Variants in RP1L1 observed in about 807,000 individuals in gnomAD.
The protein encoded by RP1L1 is RP1 like 1.
In RP1L1, 27 loss-of-function variants were observed where a neutral mutation model predicts 15.7. The ratio of observed to expected loss-of-function variants is 1.72; its 90% confidence interval spans 1.27 to 2.38. The LOEUF (loss-of-function observed/expected upper bound fraction) is 2.38, where lower values mean the gene tolerates loss of function less well. Ranked by LOEUF, RP1L1 falls within the 30% of genes most tolerant of loss-of-function variation. The pLI is 0.00. For synonymous variants in RP1L1, 1,813 were observed against 1,276.7 expected (o/e 1.42, Z -8.96); for missense variants, 4,798 against 3,075.9 (o/e 1.56, Z -13.24).
Position 10,611,512 on chromosome 8 carries a change from G to A in RP1L1, c.2586C>T (p.Cys862=), listed in dbSNP as rs1328808307. Residue 862 remains cysteine, a synonymous_variant, in exon 4 of 4, where the codon TGC becomes TGT. Transcript: ENST00000382483. ...YCPTPPRGRP[C]PQRRSSSCGS... is the part of the protein sequence containing the mutation. Reference sequence around the variant, plus strand: ...CACAGCTGGAAGAGCGCCTCTGGGGGCAGGGCCGCCCCCTGGGCGGGGTGG... The same window carrying A: ...CACAGCTGGAAGAGCGCCTCTGGGGACAGGGCCGCCCCCTGGGCGGGGTGG... The A allele has an allele frequency of 3.8e-6, 6 of 1,578,616 alleles. No individual in the cohort carries two copies. Among genetic ancestry groups the A allele is most frequent in the Admixed American group, 1.8e-5 (1 of 54,154 alleles).
At chr8:10,628,962 T>C (rs183543671) in intron 1 of RP1L1, among the ~76,000 whole-genome samples, 1 of 152,368 alleles carries the variant, frequency 6.6e-6, no homozygotes, top group Non-Finnish European at 1.5e-5. Flanking sequence ...AAGCGGGATG[T>C]GCAGCCTCGT....
intron 1 of RP1L1, among the ~76,000 whole-genome samples, chr8:10,643,482 C>T (rs1243938085): frequency 2.6e-5 from 4 of 152,108 alleles, no homozygotes; most frequent in African/African-American, 9.7e-5. Flanking sequence ...ATGGCATGGC[C>T]AATCTGCCAT....
chr8:10,613,310 T>C lies in RP1L1; in HGVS notation c.788A>G (p.His263Arg), dbSNP rs1245061500. Residue 263 changes from histidine to arginine, a missense_variant, in exon 4 of 4, where the codon CAT becomes CGT. Transcript: ENST00000382483. ...WGPKTKPSVIHSRSPPGSTPR... is the reference protein window; with the variant it reads ...WGPKTKPSVIRSRSPPGSTPR... ...CGTGCTGCCTGGCGGAGACCGCGAA[T>C]GGATCACACTCGGCTTGGTCTTTGG... 1.2e-6 allele frequency: 2 copies of C among 1,601,828 alleles called. No individual in the cohort carries two copies. The highest frequency in any genetic ancestry group is 1.7e-5 in the Admixed American group (1 of 60,010).
chr8:10,610,538 T>G lies in RP1L1; in HGVS notation c.3560A>C (p.His1187Pro). 3 of 1,613,676 alleles carry G rather than the reference T, an allele frequency of 1.9e-6. No individual in the cohort carries two copies. The highest frequency in any genetic ancestry group is 2.5e-6 in the Non-Finnish European group (3 of 1,179,996). The change falls in exon 4 of 4, where the codon CAT becomes CCT. Residue 1187 changes from histidine (H) to proline (P), a missense_variant. Physicochemically the swap from His to Pro is moderately conservative, Grantham distance 77. Coordinates refer to ENST00000382483, the MANE Select transcript of RP1L1 (RefSeq NM_178857.6). ...WSQALPDLGS[H>P]AMTENFTPTS... ...GGGCGTGAAGTTCTCCGTCATGGCA[T>G]GGGACCCAAGGTCTGGCAGAGCCTG...
At chr8:10,615,646 A>G (rs1427589502) in intron 3 of RP1L1, among the ~76,000 whole-genome samples, 1 of 151,916 alleles carries the variant, frequency 6.6e-6, no homozygotes, top group Non-Finnish European at 1.5e-5. Context: ...CTCCCCCCTC[A>G]GCCTCCTGAG....
At chr8:10,616,386 A>C in intron 3 of RP1L1, 60 bp downstream of exon 3, 1 of 1,608,712 alleles carries the variant, frequency 6.2e-7, no homozygotes, top group African/African-American at 1.3e-5. Flanking sequence ...CTTTCCACTC[A>C]GCCCTACTGA....
Position 10,612,610 on chromosome 8 carries a change from T to C in RP1L1, c.1488A>G (p.Gly496=). The C allele has an allele frequency of 6.2e-7, 1 of 1,601,654 alleles. No individual in the cohort carries two copies. Among genetic ancestry groups the C allele is most frequent in the Non-Finnish European group, 8.5e-7 (1 of 1,179,206 alleles). The change falls in exon 4 of 4, where the codon GGA becomes GGG. Residue 496 remains glycine (G), a synonymous_variant. Coordinates refer to ENST00000382483, the MANE Select transcript of RP1L1 (RefSeq NM_178857.6). ...SAQIGAERKA[G]GSLGEDPGLC... is the part of the protein sequence containing the mutation. ...GGCCGGGGTCCTCACCCAGGCTCCC[T>C]CCAGCTTTCCGCTCAGCCCCTATCT...
At chr8:10,641,120 C>A (rs1234095087) in intron 1 of RP1L1, among the ~76,000 whole-genome samples, 1 of 152,246 alleles carries the variant, frequency 6.6e-6, no homozygotes, top group Non-Finnish European at 1.5e-5. Context: ...CATTACATGG[C>A]AGATGCAGTG....
At position 10,609,052 on chromosome 8, in the gene RP1L1, G is replaced by A. The variant is rs1328295891; in HGVS notation, c.5046C>T (p.Pro1682=). Residue 1682 remains proline (P), a synonymous_variant, in exon 4 of 4, where the codon CCC becomes CCT. Transcript: ENST00000382483. ...PKATMGATRG[P]IKEAFDLQQI... Reference sequence around the variant, plus strand: ...GCTGCAGGTCAAAGGCCTCTTTGATGGGACCTCTGGTTGCCCCCATTGTGG... The same window carrying A: ...GCTGCAGGTCAAAGGCCTCTTTGATAGGACCTCTGGTTGCCCCCATTGTGG... 12 of 1,613,676 alleles carry A rather than the reference G, an allele frequency of 7.4e-6. No homozygotes were observed. Among genetic ancestry groups the A allele is most frequent in the Admixed American group, 1.7e-5 (1 of 60,004 alleles).
rs1253983256 is a variant in RP1L1, at chr8:10,622,657, A to C, written c.545T>G (p.Leu182Arg). 6.2e-7 allele frequency: 1 copy of C among 1,614,198 alleles called. No individual in the cohort carries two copies. Among genetic ancestry groups the C allele is most frequent in the South Asian group, 1.1e-5 (1 of 91,072 alleles). ...GCGCAGGAGATCTGAGGCTTTGCCG[A>C]GAAAGGCGGCCAGGTTCCTAGTATT... Reference protein sequence around the residue: ...HRNTRNLAAFLGKASDLLRFP... With the variant: ...HRNTRNLAAFRGKASDLLRFP... Residue 182 changes from leucine (L) to arginine (R), a missense_variant, in exon 2 of 4, where the codon CTC becomes CGC. By Grantham distance (102) the Leu-to-Arg change is moderately radical (BLOSUM62 -2). Transcript: ENST00000382483.
At position 10,613,248 on chromosome 8, in the gene RP1L1, G is replaced by C. The variant is rs76756822; in HGVS notation, c.850C>G (p.Pro284Ala). ...LPERPGPSNP[P>A]VGPAPGRHPQ... ...TGCCTGCCAGGAGCAGGGCCCACCG[G>C]GGGGTTGCTAGGACCAGGCCTTTCT... Residue 284 changes from proline to alanine, a missense_variant, in exon 4 of 4, where the codon CCG (proline) becomes GCG (alanine). Coordinates refer to ENST00000382483, the MANE Select transcript of RP1L1 (RefSeq NM_178857.6). 2.2e-3 allele frequency: 3,484 copies of C among 1,611,918 alleles called. 65 individuals carry two copies. The African/African-American group carries it at 0.041, about 19-fold the overall frequency.
At chr8:10,636,243 G>C (rs1320723729) in intron 1 of RP1L1, among the ~76,000 whole-genome samples, 3 of 152,200 alleles carry the variant, frequency 2.0e-5, no homozygotes, top group Non-Finnish European at 4.4e-5. Flanking sequence ...TGGCTTTAAA[G>C]AAGGGTTCTG....
chr8:10,626,482 C>T (rs1316212364), intron 1 of RP1L1, among the ~76,000 whole-genome samples: 1 of 152,196 alleles, frequency 6.6e-6, no homozygotes, highest in Non-Finnish European at 1.5e-5. Flanking sequence ...CAGCAGGGAG[C>T]TGGGTCCTTT....
chr8:10,637,990 C>G (rs531943460), intron 1 of RP1L1, among the ~76,000 whole-genome samples: 1 of 152,170 alleles, frequency 6.6e-6, no homozygotes. Flanking sequence ...CAAGAATAGG[C>G]GATGGTGCCC....
chr8:10,630,391 C>T (rs988612106), intron 1 of RP1L1, among the ~76,000 whole-genome samples: 1 of 152,242 alleles, frequency 6.6e-6, no homozygotes, highest in African/African-American at 2.4e-5. Flanking sequence ...ACTGTTCCTA[C>T]ACACGCAGAG....
At chr8:10,649,968 G>C (rs1281169382) in intron 1 of RP1L1, among the ~76,000 whole-genome samples, 6 of 152,184 alleles carry the variant, frequency 3.9e-5, no homozygotes, top group African/African-American at 1.4e-4. Context: ...CCAGCCACAG[G>C]AGTTGAATAT....
intron 1 of RP1L1, among the ~76,000 whole-genome samples, chr8:10,631,332 C>T (rs1798243007): frequency 1.9e-5 from 2 of 103,860 alleles, no homozygotes; most frequent in African/African-American, 7.0e-5. Context: ...CGCACACACA[C>T]ATGCACACAC....
rs1797898835 is a variant in RP1L1, at chr8:10,613,062, C to A, written c.1036G>T (p.Ala346Ser). The A allele has an allele frequency of 6.2e-7, 1 of 1,613,644 alleles. No individual in the cohort carries two copies. Among genetic ancestry groups the A allele is most frequent in the Admixed American group, 1.7e-5 (1 of 60,032 alleles). Reference protein sequence around the residue: ...TLLWSRRMGRASALTAASGED... With the variant: ...TLLWSRRMGRSSALTAASGED... ...CCACTGGCTGCCGTGAGGGCGCTGG[C>A]CCTGCCCATCCTCCGGGACCATAGG... Residue 346 changes from alanine to serine, a missense_variant, in exon 4 of 4, where the codon GCC becomes TCC. Physicochemically the swap from Ala to Ser is moderately conservative, Grantham distance 99. Transcript: ENST00000382483.
chr8:10,612,766 C>T lies in RP1L1; in HGVS notation c.1332G>A (p.Gly444=). The change falls in exon 4 of 4, where the codon GGG becomes GGA. Residue 444 remains glycine, a synonymous_variant. Coordinates refer to ENST00000382483, the MANE Select transcript of RP1L1 (RefSeq NM_178857.6). ...CACTGTCCTGGCTGCATCTCTCCCT[C>T]CCGGCAGTCCCGTGGCCCCACAGGC... ...CSGLWGHGTA[G]RERCSQDSAS... The T allele has an allele frequency of 6.2e-7, 1 of 1,609,298 alleles. No individual in the cohort carries two copies. The highest frequency in any genetic ancestry group is 8.5e-7 in the Non-Finnish European group (1 of 1,179,920).
Sources: allele counts gnomAD v4.1 joint callset (sites outside exome capture counted in the v4.1 genomes callset), GRCh38; gene constraint gnomAD v4.1.1; transcripts MANE v1.5; gene names NCBI Gene and HGNC (gene_info 2026-07-23, HGNC 2026-07-21).